Variants in PCDHB3 observed in about 807,000 individuals in gnomAD.
The protein encoded by PCDHB3 is protocadherin beta 3.
For synonymous variants in PCDHB3, 479 were observed against 456.0 expected (o/e 1.05, Z -0.64); for missense variants, 967 against 1,012.1 (o/e 0.96, Z 0.60).
rs782240037 is a variant in PCDHB3 at position 141,101,546 on chromosome 5, T to A, written c.897T>A (p.Gly299=). 16 of 1,614,048 alleles carry A rather than the reference T, an allele frequency of 9.9e-6. No homozygotes were observed. The highest frequency in any genetic ancestry group is 1.4e-5 in the Non-Finnish European group (16 of 1,180,022). Residue 299 remains glycine (G), a synonymous_variant, in exon 1 of 1, where the codon GGT becomes GGA. Coordinates refer to ENST00000231130, the MANE Select transcript of PCDHB3 (RefSeq NM_018937.5). ...RKTFQLNPIT[G]DMQLVKYLNF... ...CTTTTCAGCTAAATCCAATTACTGG[T>A]GATATGCAACTGGTCAAATATTTGA...
At position 141,102,330 on chromosome 5, in the gene PCDHB3, G is replaced by C; in HGVS notation, c.1681G>C (p.Val561Leu). The C allele has an allele frequency of 1.2e-6, 2 of 1,611,510 alleles. No individual in the cohort carries two copies. Among genetic ancestry groups the C allele is most frequent in the Non-Finnish European group, 1.7e-6 (2 of 1,179,696 alleles). ...GGACGCCAACGACAACTCGCCCTTC[G>C]TGCTGTACCCGCTGCAGAACGGCTC... ...VLDANDNSPF[V>L]LYPLQNGSAP... Residue 561 changes from valine (V) to leucine (L), a missense_variant, in exon 1 of 1, where the codon GTG becomes CTG. By Grantham distance (32) the Val-to-Leu change is conservative. Transcript: ENST00000231130.
Position 141,101,852 on chromosome 5 carries a change from C to T in PCDHB3, c.1203C>T (p.Tyr401=). ...FFLKPSVENF[Y]TLVSEGALDR... ...TGAAACCATCTGTAGAGAATTTTTA[C>T]ACCCTAGTGTCAGAAGGCGCGCTGG... The change falls in exon 1 of 1, where the codon TAC becomes TAT. Residue 401 remains tyrosine, a synonymous_variant. Coordinates refer to ENST00000231130, the MANE Select transcript of PCDHB3 (RefSeq NM_018937.5). 1 of 1,614,028 alleles carries T rather than the reference C, an allele frequency of 6.2e-7. No individual in the cohort carries two copies. The highest frequency in any genetic ancestry group is 1.3e-5 in the African/African-American group (1 of 74,978).
chr5:141,101,533 A>C lies in PCDHB3; in HGVS notation c.884A>C (p.Asn295Thr). The C allele has an allele frequency of 6.2e-7, 1 of 1,614,152 alleles. No homozygotes were observed. Among genetic ancestry groups the C allele is most frequent in the Non-Finnish European group, 8.5e-7 (1 of 1,180,004 alleles). ...SEEIRKTFQL[N>T]PITGDMQLVK... ...GAAATTCGCAAAACTTTTCAGCTAA[A>C]TCCAATTACTGGTGATATGCAACTG... The change falls in exon 1 of 1, where the codon AAT (asparagine) becomes ACT (threonine). Residue 295 changes from asparagine (N) to threonine (T), a missense_variant. Coordinates refer to ENST00000231130, the MANE Select transcript of PCDHB3 (RefSeq NM_018937.5).
In PCDHB3 at chr5:141,102,687, C is replaced by T; in HGVS notation, c.2038C>T (p.Gln680Ter). ...YLPLPEAAPA[Q>*]AQADLLTVYL... Reference sequence around the variant, plus strand: ...GCCTCTCCCGGAGGCGGCACCGGCCCAGGCCCAGGCCGACTTGCTCACCGT... The same window carrying T: ...GCCTCTCCCGGAGGCGGCACCGGCCTAGGCCCAGGCCGACTTGCTCACCGT... The change falls in exon 1 of 1, where the codon CAG becomes TAG. Residue 680 changes from glutamine to a stop codon, truncating the protein, a stop_gained. Coordinates refer to ENST00000231130, the MANE Select transcript of PCDHB3 (RefSeq NM_018937.5). LOFTEE classifies it low-confidence loss of function (END_TRUNC). 6.2e-7 allele frequency: 1 copy of T among 1,611,706 alleles called. No individual in the cohort carries two copies. The highest frequency in any genetic ancestry group is 1.1e-5 in the South Asian group (1 of 91,020).
Position 141,100,721 on chromosome 5 carries a change from T to G in PCDHB3, c.72T>G (p.Ser24=). 6.2e-7 allele frequency: 1 copy of G among 1,613,944 alleles called. No homozygotes were observed. Residue 24 remains serine (S), a synonymous_variant, in exon 1 of 1, where the codon TCT becomes TCG. Coordinates refer to ENST00000231130, the MANE Select transcript of PCDHB3 (RefSeq NM_018937.5). ...VLLLFVFLGG[S]LAGSESRRYS... ...TTCTCTTTGTTTTTCTGGGAGGGTC[T>G]CTGGCTGGGTCCGAGTCAAGACGCT...
At position 141,100,758 on chromosome 5, in the gene PCDHB3, G is replaced by C; in HGVS notation, c.109G>C (p.Glu37Gln). ...CGAGTCAAGACGCTATTCTGTGGCT[G>C]AGGAAAAAGAGAAGGGCTTTTTAAT... ...GSESRRYSVAEEKEKGFLIAN... is the reference protein window; with the variant it reads ...GSESRRYSVAQEKEKGFLIAN... Residue 37 changes from glutamate (E) to glutamine (Q), a missense_variant, in exon 1 of 1, where the codon GAG (glutamate) becomes CAG (glutamine). Transcript: ENST00000231130. The C allele has an allele frequency of 6.2e-7, 1 of 1,614,120 alleles. No individual in the cohort carries two copies. The highest frequency in any genetic ancestry group is 8.5e-7 in the Non-Finnish European group (1 of 1,180,004).
In PCDHB3 at chr5:141,102,762, G is replaced by T. The variant is rs17844404; in HGVS notation, c.2113G>T (p.Val705Leu). Residue 705 changes from valine to leucine, a missense_variant, in exon 1 of 1, where the codon GTG becomes TTG. By Grantham distance (32) the Val-to-Leu change is conservative (BLOSUM62 1). Transcript: ENST00000231130. ...ASVSSLFLFS[V>L]LLFVAVRLCR... ...GGTGTCTTCGCTCTTCCTCTTTTCG[G>T]TGCTCCTGTTCGTGGCGGTGCGGCT... is the stretch of plus-strand genomic sequence containing the variant. The T allele has an allele frequency of 6.2e-7, 1 of 1,612,204 alleles. No homozygotes were observed. The highest frequency in any genetic ancestry group is 8.5e-7 in the Non-Finnish European group (1 of 1,179,742).
Position 141,102,218 on chromosome 5 carries a change from C to T in PCDHB3, c.1569C>T (p.Ala523=). The T allele has an allele frequency of 6.2e-7, 1 of 1,612,728 alleles. No homozygotes were observed. The highest frequency in any genetic ancestry group is 2.2e-5 in the East Asian group (1 of 44,882). The part of the protein sequence containing the change: ...LFALRSLDYE[A]LQAFEFRVGA... ...CCCTCAGGTCGCTGGACTACGAGGC[C>T]CTGCAGGCGTTCGAGTTCCGCGTGG... The change falls in exon 1 of 1, where the codon GCC becomes GCT. Residue 523 remains alanine, a synonymous_variant. Transcript: ENST00000231130.
At position 141,102,482 on chromosome 5, in the gene PCDHB3, G is replaced by A. The variant is rs782127732; in HGVS notation, c.1833G>A (p.Glu611=). 24 of 1,609,330 alleles carry A rather than the reference G, an allele frequency of 1.5e-5. 1 individual carries two copies. The highest frequency in any genetic ancestry group is 2.0e-5 in the Non-Finnish European group (24 of 1,179,614). ...CGTACCAGCTGCTCAAGGCCACGGAGCCCGGGCTGTTCGGCGTGTGGGCGC... is the reference window on the plus strand; with the variant it reads ...CGTACCAGCTGCTCAAGGCCACGGAACCCGGGCTGTTCGGCGTGTGGGCGC... The part of the protein sequence containing the change: ...WLSYQLLKAT[E]PGLFGVWAHN... Residue 611 remains glutamate, a synonymous_variant, in exon 1 of 1, where the codon GAG becomes GAA. Coordinates refer to ENST00000231130, the MANE Select transcript of PCDHB3 (RefSeq NM_018937.5).
rs1554272241 is a variant in PCDHB3, at chr5:141,101,266, C to T, written c.617C>T (p.Pro206Leu). 5 of 1,614,168 alleles carry T rather than the reference C, an allele frequency of 3.1e-6. No individual in the cohort carries two copies. The highest frequency in any genetic ancestry group is 4.2e-6 in the Non-Finnish European group (5 of 1,180,040). ...LDKALDPEEQ[P>L]ELSLTLTALD... ...AAAGCGCTCGATCCGGAGGAGCAGC[C>T]GGAACTCAGCTTAACGCTCACCGCG... The change falls in exon 1 of 1, where the codon CCG becomes CTG. Residue 206 changes from proline to leucine, a missense_variant. Coordinates refer to ENST00000231130, the MANE Select transcript of PCDHB3 (RefSeq NM_018937.5).
In PCDHB3 at chr5:141,101,192, C is replaced by G. The variant is rs369687570; in HGVS notation, c.543C>G (p.Leu181=). The change falls in exon 1 of 1, where the codon CTC becomes CTG. Residue 181 remains leucine (L), a synonymous_variant. Transcript: ENST00000231130. ...CTCCGAATTCCCACTTCCACGTACT[C>G]ACTCGCAGTCGTAGGGACGGAAGGA... is the stretch of plus-strand genomic sequence containing the variant. ...TITPNSHFHV[L]TRSRRDGRKY... 3.1e-6 allele frequency: 5 copies of G among 1,614,038 alleles called. No individual in the cohort carries two copies. Among genetic ancestry groups the G allele is most frequent in the Non-Finnish European group, 4.2e-6 (5 of 1,180,058 alleles).
chr5:141,101,180 C>G lies in PCDHB3; in HGVS notation c.531C>G (p.His177Gln). 1 of 1,614,174 alleles carries G rather than the reference C, an allele frequency of 6.2e-7. No individual in the cohort carries two copies. The highest frequency in any genetic ancestry group is 1.1e-5 in the South Asian group (1 of 91,086). The change falls in exon 1 of 1, where the codon CAC becomes CAG. Residue 177 changes from histidine to glutamine, a missense_variant. By Grantham distance (24) the His-to-Gln change is conservative (BLOSUM62 0). Transcript: ENST00000231130. ...ACTACACTATCACTCCGAATTCCCA[C>G]TTCCACGTACTCACTCGCAGTCGTA... The part of the protein sequence containing the change: ...LQNYTITPNS[H>Q]FHVLTRSRRD...
rs1334818380 is a variant in PCDHB3, at chr5:141,101,250, G to A, written c.601G>A (p.Asp201Asn). 7 of 1,614,000 alleles carry A rather than the reference G, an allele frequency of 4.3e-6. No individual in the cohort carries two copies. The highest frequency in any genetic ancestry group is 1.7e-5 in the Admixed American group (1 of 60,000). The part of the protein sequence containing the change: ...YPELVLDKAL[D>N]PEEQPELSLT... ...GGAACTAGTACTGGATAAAGCGCTC[G>A]ATCCGGAGGAGCAGCCGGAACTCAG... Residue 201 changes from aspartate (D) to asparagine (N), a missense_variant, in exon 1 of 1, where the codon GAT becomes AAT. Transcript: ENST00000231130.
At position 141,102,809 on chromosome 5, in the gene PCDHB3, C is replaced by T. The variant is rs781803084; in HGVS notation, c.2160C>T (p.Ala720=). Residue 720 remains alanine, a synonymous_variant, in exon 1 of 1, where the codon GCC becomes GCT. Coordinates refer to ENST00000231130, the MANE Select transcript of PCDHB3 (RefSeq NM_018937.5). ...GGCTGTGCAGGAGGAGCAGGGCGGC[C>T]TCGGTGGGTCGCTGCTCGGTGCCCG... ...AVRLCRRSRA[A]SVGRCSVPEG... is the part of the protein sequence containing the mutation. The T allele has an allele frequency of 6.2e-7, 1 of 1,612,322 alleles. No homozygotes were observed. The highest frequency in any genetic ancestry group is 1.3e-5 in the African/African-American group (1 of 74,898).
Position 141,101,652 on chromosome 5 carries a change from G to A in PCDHB3, c.1003G>A (p.Val335Ile), listed in dbSNP as rs782506630. ...GGLSGKSTVIVQVVDVNDNPP... is the reference protein window; with the variant it reads ...GGLSGKSTVIIQVVDVNDNPP... ...CCTATCCGGAAAGTCTACAGTCATA[G>A]TCCAGGTGGTTGATGTCAACGACAA... The change falls in exon 1 of 1, where the codon GTC becomes ATC. Residue 335 changes from valine (V) to isoleucine (I), a missense_variant. Val to Ile is a conservative substitution (Grantham distance 29). Coordinates refer to ENST00000231130, the MANE Select transcript of PCDHB3 (RefSeq NM_018937.5). 1.2e-6 allele frequency: 2 copies of A among 1,613,968 alleles called. No homozygotes were observed. The highest frequency in any genetic ancestry group is 3.3e-5 in the Admixed American group (2 of 60,008).
chr5:141,102,488 G>A lies in PCDHB3; in HGVS notation c.1839G>A (p.Gly613=). The A allele has an allele frequency of 1.2e-6, 2 of 1,608,818 alleles. No individual in the cohort carries two copies. Among genetic ancestry groups the A allele is most frequent in the Non-Finnish European group, 1.7e-6 (2 of 1,179,440 alleles). Residue 613 remains glycine, a synonymous_variant, in exon 1 of 1, where the codon GGG becomes GGA. Transcript: ENST00000231130. ...SYQLLKATEP[G]LFGVWAHNGE... ...AGCTGCTCAAGGCCACGGAGCCCGG[G>A]CTGTTCGGCGTGTGGGCGCACAATG...
Position 141,101,509 on chromosome 5 carries a change from A to G in PCDHB3, c.860A>G (p.Glu287Gly). The G allele has an allele frequency of 6.2e-7, 1 of 1,614,134 alleles. No individual in the cohort carries two copies. Among genetic ancestry groups the G allele is most frequent in the South Asian group, 1.1e-5 (1 of 91,080 alleles). ...ISYAFFHASE[E>G]IRKTFQLNPI... Reference sequence around the variant, plus strand: ...TATGCATTTTTTCATGCTTCTGAAGAAATTCGCAAAACTTTTCAGCTAAAT... The same window carrying G: ...TATGCATTTTTTCATGCTTCTGAAGGAATTCGCAAAACTTTTCAGCTAAAT... Residue 287 changes from glutamate (E) to glycine (G), a missense_variant, in exon 1 of 1, where the codon GAA becomes GGA. Physicochemically the swap from Glu to Gly is moderately conservative, Grantham distance 98. Transcript: ENST00000231130.
chr5:141,102,409 C>T lies in PCDHB3; in HGVS notation c.1760C>T (p.Thr587Ile). Residue 587 changes from threonine (T) to isoleucine (I), a missense_variant, in exon 1 of 1, where the codon ACC becomes ATC. Coordinates refer to ENST00000231130, the MANE Select transcript of PCDHB3 (RefSeq NM_018937.5). Reference protein sequence around the residue: ...PRAAEPGYLVTKVVAVDGDSG... With the variant: ...PRAAEPGYLVIKVVAVDGDSG... ...GCGGCTGAGCCGGGCTACCTGGTGACCAAGGTGGTGGCGGTGGACGGCGAC... is the reference window on the plus strand; with the variant it reads ...GCGGCTGAGCCGGGCTACCTGGTGATCAAGGTGGTGGCGGTGGACGGCGAC... The T allele has an allele frequency of 6.2e-7, 1 of 1,610,972 alleles. No individual in the cohort carries two copies. The highest frequency in any genetic ancestry group is 8.5e-7 in the Non-Finnish European group (1 of 1,179,680).
chr5:141,102,737 G>T lies in PCDHB3; in HGVS notation c.2088G>T (p.Ser696=), dbSNP rs1554272665. The T allele has an allele frequency of 1.2e-6, 2 of 1,611,900 alleles. No homozygotes were observed. Among genetic ancestry groups the T allele is most frequent in the Non-Finnish European group, 1.7e-6 (2 of 1,179,708 alleles). ...LTVYLVVALA[S]VSSLFLFSVL... ...TCTACCTGGTGGTGGCATTGGCCTC[G>T]GTGTCTTCGCTCTTCCTCTTTTCGG... is the stretch of plus-strand genomic sequence containing the variant. Residue 696 remains serine (S), a synonymous_variant, in exon 1 of 1, where the codon TCG becomes TCT. Coordinates refer to ENST00000231130, the MANE Select transcript of PCDHB3 (RefSeq NM_018937.5).
Sources: gnomAD v4.1 joint callset for allele counts on GRCh38, gnomAD v4.1.1 for gene constraint, MANE v1.5 for transcripts, NCBI Gene and HGNC (gene_info 2026-07-23, HGNC 2026-07-21) for gene names.